The following SCEL variants were observed in gnomAD, a reference collection of about 807,000 sequenced individuals.
SCEL encodes sciellin.
In SCEL, 113 loss-of-function variants were observed where a neutral mutation model predicts 117.6. The ratio of observed to expected loss-of-function variants is 0.96; its 90% CI spans 0.83 to 1.12. The LOEUF (loss-of-function observed/expected upper bound fraction) is 1.12. Ranked by LOEUF, SCEL falls within the 50% of genes most tolerant of loss-of-function variation. The probability of loss-of-function intolerance (pLI) is 0.00; values close to 1 mark genes in which losing one functional copy is unlikely to be tolerated. For missense variants in SCEL, 785 were observed against 810.8 expected, an observed-to-expected ratio of 0.97 and a Z score of 0.39; for synonymous variants, 270 against 256.2, an observed-to-expected ratio of 1.05 and a Z score of -0.51.
intron 16 of SCEL, 135 bp downstream of exon 16, chr13:77,602,259 C>T: frequency 1.6e-6 from 1 of 636,912 alleles, no homozygotes; most frequent in Non-Finnish European, 2.6e-6. Context: ...ACCTAGTAGG[C>T]AAAAGGAATA....
rs2084317980 is a variant in SCEL, at chr13:77,551,464, A to G, written c.-19-4393A>G. 2.0e-5 allele frequency among the ~76,000 whole-genome samples: 3 copies of G among 152,200 alleles called. No homozygotes were observed. The South Asian group carries it at 6.2e-4, about 31-fold the overall frequency. On this transcript the variant is annotated intron_variant, in intron 1 of 32. Coordinates refer to ENST00000349847, the MANE Select transcript of SCEL (RefSeq NM_144777.3). ...TATAACAAAATACCACAGACGGGTG[A>G]CTTAAATAACAGAAAATCATTGTCT...
At chr13:77,589,317 T>A in intron 10 of SCEL, 93 bp downstream of exon 10, 6 of 866,034 alleles carry the variant, frequency 6.9e-6, no homozygotes, top group Non-Finnish European at 1.1e-5. Flanking sequence ...AAAGCATGAA[T>A]GTTTTGTGTG....
At position 77,637,149 on chromosome 13, in the gene SCEL, A is replaced by G; in HGVS notation, c.1793A>G (p.Asn598Ser). ...SKSPKDGYQE[N>S]ISGKYIQTVY... ...TCACCCAAGGATGGATATCAGGAGA[A>G]TATCTCTGGAAAATACATACAAACT... is the stretch of plus-strand genomic sequence containing the variant. Residue 598 changes from asparagine (N) to serine (S), a missense_variant, in exon 30 of 33, where the codon AAT becomes AGT. Asn to Ser is a conservative substitution (Grantham distance 46). Transcript: ENST00000349847. 6.4e-7 allele frequency: 1 copy of G among 1,558,504 alleles called. No homozygotes were observed. Among genetic ancestry groups the G allele is most frequent in the Non-Finnish European group, 8.7e-7 (1 of 1,152,592 alleles).
chr13:77,622,402 A>G (rs944895042), intron 27 of SCEL, among the ~76,000 whole-genome samples: 3 of 152,142 alleles, frequency 2.0e-5, no homozygotes, highest in African/African-American at 7.2e-5. Context: ...GGTCCCCAGA[A>G]TCTCTATTTT....
chr13:77,568,120 G>T (rs544551064), intron 6 of SCEL, among the ~76,000 whole-genome samples, 175 bp from the exon 7 acceptor site: 1 of 152,088 alleles, frequency 6.6e-6, no homozygotes, highest in Non-Finnish European at 1.5e-5. Flanking sequence ...TTGGAATCTA[G>T]TACAAGAGAC....
chr13:77,564,127 T>C (rs1409428772), intron 5 of SCEL, among the ~76,000 whole-genome samples: 4 of 152,094 alleles, frequency 2.6e-5, no homozygotes, highest in African/African-American at 9.7e-5. Context: ...TGAAATATTC[T>C]TAGAGACACT....
chr13:77,585,608 G>A (rs914194434), intron 9 of SCEL, among the ~76,000 whole-genome samples: 2 of 152,048 alleles, frequency 1.3e-5, no homozygotes, highest in South Asian at 2.1e-4. Context: ...CATCACCCAC[G>A]GCCTCACCAC....
intron 30 of SCEL, 95 bp downstream of exon 30, chr13:77,637,289 CATATATATAAATATATATACAT>C (rs2090331008): frequency 4.6e-6 from 1 of 215,586 alleles, no homozygotes; most frequent in African/African-American, 2.6e-5. Context: ...GGCACACACA[CATATATATAAATATATATACAT>C]ATATATAAAT....
At chr13:77,616,628 G>A (rs970092183) in intron 24 of SCEL, among the ~76,000 whole-genome samples, 1 of 151,782 alleles carries the variant, frequency 6.6e-6, no homozygotes, top group African/African-American at 2.4e-5. Flanking sequence ...ACTAAATGAA[G>A]CCCTGAACAT....
At chr13:77,623,143 T>C (rs1303320315) in intron 27 of SCEL, among the ~76,000 whole-genome samples, 1 of 152,240 alleles carries the variant, frequency 6.6e-6, no homozygotes, top group Non-Finnish European at 1.5e-5. Flanking sequence ...AGTGTAAAAG[T>C]CATTATGCAA....
At chr13:77,627,618 A>G (rs1419507484) in intron 27 of SCEL, among the ~76,000 whole-genome samples, 3 of 152,146 alleles carry the variant, frequency 2.0e-5, no homozygotes, top group Admixed American at 1.3e-4. Flanking sequence ...ACATACCCTG[A>G]AACTTTGTAC....
At chr13:77,567,440 C>A (rs967894446) in intron 5 of SCEL, among the ~76,000 whole-genome samples, 16 of 152,144 alleles carry the variant, frequency 1.1e-4, no homozygotes, top group African/African-American at 3.9e-4. Context: ...GGCAACAGAG[C>A]AAGACTCCAT....
rs556455732 is a variant in SCEL at position 77,602,638 on chromosome 13, G to A, written c.978-16G>A. The A allele has an allele frequency of 6.2e-7, 1 of 1,609,992 alleles. No individual in the cohort carries two copies. Among genetic ancestry groups the A allele is most frequent in the African/African-American group, 1.3e-5 (1 of 74,900 alleles). ...TACTGTAACCTAACTGACAAGTTTT[G>A]GTGTTTTTTCCAAAGAAGACAAAAT... On this transcript the variant is annotated splice_polypyrimidine_tract_variant and intron_variant, in intron 16 of 32. Transcript: ENST00000349847.
At chr13:77,618,146 CTTCCTCCCTTACTCCT>C (rs2089199543) in intron 27 of SCEL, 86 bp downstream of exon 27, 4 of 979,502 alleles carry the variant, frequency 4.1e-6, no homozygotes, top group Admixed American at 3.4e-5. Flanking sequence ...GCCTCCCTCC[CTTCCTCCCTTACTCCT>C]TTCCTCCCTT....
At chr13:77,639,600 C>T (rs2090464808) in intron 30 of SCEL, among the ~76,000 whole-genome samples, 2 of 152,158 alleles carry the variant, frequency 1.3e-5, no homozygotes, top group Non-Finnish European at 2.9e-5. Context: ...CACATCTTCA[C>T]TCTTCCACTC....
At chr13:77,548,762 C>T (rs1457640831) in intron 1 of SCEL, among the ~76,000 whole-genome samples, 1 of 152,226 alleles carries the variant, frequency 6.6e-6, no homozygotes, top group Non-Finnish European at 1.5e-5. Flanking sequence ...CACATGCTCT[C>T]TTGTCTGCCC....
At chr13:77,600,043 TA>T in intron 15 of SCEL, 2 of 363,392 alleles carry the variant, frequency 5.5e-6, no homozygotes, top group African/African-American at 2.0e-5. Context: ...GAAACACAAC[TA>T]GCTGTTACAA....
chr13:77,607,977 G>A, intron 19 of SCEL, 79 bp from the exon 20 acceptor site: 1 of 1,145,426 alleles, frequency 8.7e-7, no homozygotes, highest in South Asian at 1.4e-5. Flanking sequence ...GAGTTTTAAT[G>A]AAATAGCTTT....
intron 30 of SCEL, among the ~76,000 whole-genome samples, chr13:77,639,530 C>T (rs1321915940): frequency 6.6e-6 from 1 of 152,166 alleles, no homozygotes; most frequent in African/African-American, 2.4e-5. Context: ...TAACTCATTT[C>T]AACACAATGA....
Sources: allele counts gnomAD v4.1 joint callset (sites outside exome capture counted in the v4.1 genomes callset), GRCh38; gene constraint gnomAD v4.1.1; transcripts MANE v1.5; gene names NCBI Gene and HGNC (gene_info 2026-07-23, HGNC 2026-07-21).